Variants in SGCZ observed in about 807,000 individuals in gnomAD.
SGCZ encodes the protein zeta-sarcoglycan.
In SGCZ, 40 loss-of-function variants were observed where a neutral mutation model predicts 41.3. The observed-to-expected ratio is 0.97, with a 90% confidence interval of 0.75 to 1.26. The LOEUF (loss-of-function observed/expected upper bound fraction) is 1.26. SGCZ is among the 50% of genes most tolerant of loss of function. The probability of loss-of-function intolerance (pLI) is 0.00; values close to 1 mark genes in which losing one functional copy is unlikely to be tolerated. For missense variants in SGCZ, 552 were observed against 369.8 expected (o/e 1.49, Z -4.04); for synonymous variants, 206 against 137.5 (o/e 1.50, Z -3.49).
At chr8:14,739,315 T>A (rs1162782994) in intron 1 of SGCZ, among the ~76,000 whole-genome samples, 1 of 152,072 alleles carries the variant, frequency 6.6e-6, no homozygotes, top group Non-Finnish European at 1.5e-5. Context: ...TGCCATCCAA[T>A]GTTTCATTAA....
At chr8:14,880,764 G>T (rs967470715) in intron 1 of SGCZ, among the ~76,000 whole-genome samples, 1 of 152,030 alleles carries the variant, frequency 6.6e-6, no homozygotes, top group Admixed American at 6.6e-5. Context: ...GAGAACACTT[G>T]GACACAGGAA....
intron 3 of SGCZ, among the ~76,000 whole-genome samples, chr8:14,249,674 C>G (rs1052124342): frequency 3.3e-5 from 5 of 152,072 alleles, no homozygotes; most frequent in African/African-American, 4.8e-5. Context: ...TTTTCAACTT[C>G]TATAGTCATT....
At chr8:15,148,745 C>T (rs145956206) in intron 1 of SGCZ, among the ~76,000 whole-genome samples, 13 of 152,290 alleles carry the variant, frequency 8.5e-5, no homozygotes, top group Non-Finnish European at 1.2e-4. Context: ...TGACTTATAA[C>T]TGAATTTCAG....
intron 2 of SGCZ, among the ~76,000 whole-genome samples, chr8:14,401,028 T>C (rs947899781): frequency 3.3e-4 from 50 of 152,272 alleles, no homozygotes; most frequent in African/African-American, 1.2e-3. Context: ...CAATTCACTA[T>C]AAGCAGGCCA....
At chr8:14,795,663 T>C (rs1327757496) in intron 1 of SGCZ, among the ~76,000 whole-genome samples, 2 of 152,184 alleles carry the variant, frequency 1.3e-5, no homozygotes, top group Non-Finnish European at 2.9e-5. Flanking sequence ...GACTTCTTTA[T>C]TGTTTATTTT....
chr8:14,962,099 G>A (rs1321040005), intron 1 of SGCZ, among the ~76,000 whole-genome samples: 1 of 152,034 alleles, frequency 6.6e-6, no homozygotes, highest in African/African-American at 2.4e-5. Context: ...GGATAAAAAG[G>A]AAAGAAGTTT....
intron 1 of SGCZ, among the ~76,000 whole-genome samples, chr8:15,222,886 T>C (rs1194768999): frequency 6.6e-6 from 1 of 152,046 alleles, no homozygotes; most frequent in East Asian, 1.9e-4. Flanking sequence ...AGACAACAAA[T>C]GGAAAGTAAA....
chr8:14,242,408 A>G (rs767679404), intron 3 of SGCZ, among the ~76,000 whole-genome samples: 2 of 152,210 alleles, frequency 1.3e-5, no homozygotes, highest in Middle Eastern at 3.2e-3. Flanking sequence ...CATGATTGTA[A>G]GACAGACAGG....
chr8:14,965,977 G>T (rs938706749), intron 1 of SGCZ, among the ~76,000 whole-genome samples: 2 of 151,974 alleles, frequency 1.3e-5, no homozygotes, highest in Admixed American at 6.6e-5. Flanking sequence ...CCTACAGAAT[G>T]CTCTCAAGCA....
At chr8:14,370,566 G>C (rs1457056139) in intron 2 of SGCZ, among the ~76,000 whole-genome samples, 1 of 151,590 alleles carries the variant, frequency 6.6e-6, no homozygotes, top group Non-Finnish European at 1.5e-5. Flanking sequence ...TCTTACTCAA[G>C]TTCTCTTTTC....
At chr8:14,909,200 A>C in intron 1 of SGCZ, among the ~76,000 whole-genome samples, 1 of 152,208 alleles carries the variant, frequency 6.6e-6, no homozygotes, top group Non-Finnish European at 1.5e-5. Context: ...ATTAGCAGAG[A>C]CCAAATTAAA....
intron 1 of SGCZ, among the ~76,000 whole-genome samples, chr8:15,224,959 T>G (rs1801721904): frequency 1.3e-5 from 2 of 152,094 alleles, no homozygotes; most frequent in South Asian, 4.1e-4. Flanking sequence ...AAGGCAAACA[T>G]TGAGAAAGCT....
At chr8:14,781,493 T>A (rs1800586039) in intron 1 of SGCZ, among the ~76,000 whole-genome samples, 1 of 152,158 alleles carries the variant, frequency 6.6e-6, no homozygotes, top group African/African-American at 2.4e-5. Flanking sequence ...CCTCCCAAAG[T>A]GCTGGCATTT....
At chr8:14,484,166 A>G (rs926277404) in intron 2 of SGCZ, among the ~76,000 whole-genome samples, 15 of 152,170 alleles carry the variant, frequency 9.9e-5, no homozygotes, top group African/African-American at 3.4e-4. Flanking sequence ...TATATTTATT[A>G]AGATTATGAA....
chr8:15,027,308 A>G (rs1437997967), intron 1 of SGCZ, among the ~76,000 whole-genome samples: 1 of 152,184 alleles, frequency 6.6e-6, no homozygotes, highest in Non-Finnish European at 1.5e-5. Flanking sequence ...CCTTCTCTAC[A>G]TAGTATTAAT....
At chr8:14,308,649 A>C (rs1295426887) in intron 3 of SGCZ, among the ~76,000 whole-genome samples, 1 of 152,078 alleles carries the variant, frequency 6.6e-6, no homozygotes, top group South Asian at 2.1e-4. Context: ...CCAGACAATA[A>C]AAATATTCTA....
chr8:14,850,959 A>G (rs1039449793), intron 1 of SGCZ, among the ~76,000 whole-genome samples: 1 of 152,168 alleles, frequency 6.6e-6, no homozygotes, highest in African/African-American at 2.4e-5. Flanking sequence ...TCTTTCCTTT[A>G]TAAATGACCA....
intron 1 of SGCZ, among the ~76,000 whole-genome samples, chr8:14,896,745 G>A (rs557473306): frequency 6.6e-6 from 1 of 152,124 alleles, no homozygotes; most frequent in East Asian, 1.9e-4. Flanking sequence ...CCAAAGTGCT[G>A]GGATTACAGG....
chr8:14,882,295 T>C, intron 1 of SGCZ, among the ~76,000 whole-genome samples: 1 of 152,192 alleles, frequency 6.6e-6, no homozygotes, highest in East Asian at 1.9e-4. Context: ...AAGCATATCA[T>C]GGTGTCCACC....
Sources: allele counts gnomAD v4.1 joint callset (sites outside exome capture counted in the v4.1 genomes callset), GRCh38; gene constraint gnomAD v4.1.1; transcripts MANE v1.5; gene names NCBI Gene and HGNC (gene_info 2026-07-23, HGNC 2026-07-21).